The following SRP19 variants were observed in gnomAD, a reference collection of about 807,000 sequenced individuals.
SRP19 encodes signal recognition particle 19 kDa protein.
SRP19 carries 11 observed loss-of-function variants against 22.4 expected under a neutral mutation model. The observed-to-expected ratio is 0.49, with a 90% CI of 0.31 to 0.81. The LOEUF (loss-of-function observed/expected upper bound fraction) is 0.81, where lower values mean the gene tolerates loss of function less well. SRP19 is among the 40% of genes least tolerant of loss of function. SRP19 has a pLI of 0.05. For synonymous variants in SRP19, 61 were observed against 57.6 expected (o/e 1.06, Z -0.27); for missense variants, 168 against 175.9 (o/e 0.96, Z 0.25).
intron 4 of SRP19, among the ~76,000 whole-genome samples, chr5:112,889,381 A>G (rs1339311197): frequency 1.3e-5 from 2 of 150,838 alleles, no homozygotes; most frequent in African/African-American, 4.9e-5. Context: ...TCAGACAAAC[A>G]CCAACTCCCA....
exon 5 of SRP19, chr5:112,892,686 A>C: frequency 6.2e-7 from 1 of 1,614,108 alleles, no homozygotes; most frequent in Non-Finnish European, 8.5e-7. Flanking sequence ...AAGCTAATAG[A>C]GACATCTACT....
At chr5:112,871,243 ATTTTTTTT>A (rs10592964), downstream of SRP19, among the ~76,000 whole-genome samples, 808 of 93,982 alleles carry the variant, frequency 8.6e-3, 4 homozygotes, top group African/African-American at 0.037. Context: ...CAATCAGTGA[ATTTTTTTT>A]TTTTTTTTTT....
At chr5:112,879,339 G>C (rs1321409550) in intron 4 of SRP19, among the ~76,000 whole-genome samples, 1 of 81,272 alleles carries the variant, frequency 1.2e-5, no homozygotes, top group South Asian at 3.8e-4. Flanking sequence ...GGGGGGGGCT[G>C]GGGGGGCGGT....
chr5:112,897,294 T>C (rs1197389266), downstream of SRP19: 2 of 147,828 alleles, frequency 1.4e-5, no homozygotes, highest in African/African-American at 5.0e-5. Flanking sequence ...ATAGGAAGAC[T>C]ACTCTAAGAT....
exon 5 of SRP19, chr5:112,892,869 G>T: frequency 6.2e-7 from 1 of 1,613,236 alleles, no homozygotes; most frequent in Non-Finnish European, 8.5e-7. Flanking sequence ...ATAGGGGGAA[G>T]AAATCTCACA....
At position 112,875,922 on chromosome 5, in the gene SRP19, G is replaced by T. The variant is rs575517298; in HGVS notation, c.301+11190G>T. On this transcript the variant is annotated intron_variant, in intron 4 of 4. Coordinates refer to the SRP19 transcript ENST00000391338. ...AGTAGCCAGGCGTGGCGGCGGGTGC[G>T]TGTAGTCCCAGCTACTCGGGAGGCT... Among the ~76,000 whole-genome samples, 285 of 151,846 alleles carry T rather than the reference G, an allele frequency of 1.9e-3. 2 individuals carry two copies. Among genetic ancestry groups the T allele is most frequent in the Non-Finnish European group, 3.1e-3 (211 of 67,966 alleles).
In SRP19 at chr5:112,890,822, A is replaced by C. The variant is rs186556906; in HGVS notation, c.302-781A>C. ...GTTCTGCCATTTACTAGCTAAGCAA[A>C]CCTTATACAAGTTACTTAATCACTT... is the stretch of plus-strand genomic sequence containing the variant. On this transcript the variant is annotated intron_variant, in intron 4 of 4. Transcript: ENST00000391338. Among the ~76,000 whole-genome samples the C allele has an allele frequency of 2.0e-5, 3 of 150,736 alleles. 1 individual carries two copies. The highest frequency in any genetic ancestry group is 6.6e-5 in the Admixed American group (1 of 15,124).
intron 4 of SRP19, among the ~76,000 whole-genome samples, chr5:112,888,686 C>A (rs1768339166): frequency 6.6e-6 from 1 of 150,886 alleles, no homozygotes; most frequent in Non-Finnish European, 1.5e-5. Context: ...GAAATGTAAC[C>A]TTTGTGAATT....
chr5:112,877,602 G>GTGTT (rs1325419332), intron 4 of SRP19: 3 of 152,154 alleles, frequency 2.0e-5, no homozygotes, highest in Non-Finnish European at 2.9e-5. Flanking sequence ...GAAGCCTCTT[G>GTGTT]TGTTTGACCT....
chr5:112,880,382 G>C (rs1052550919), intron 4 of SRP19, among the ~76,000 whole-genome samples: 1 of 152,304 alleles, frequency 6.6e-6, no homozygotes, highest in Admixed American at 6.5e-5. Context: ...GGGTTGTCTA[G>C]AAGCCTCCAG....
chr5:112,880,807 G>A (rs1014580806), intron 4 of SRP19, among the ~76,000 whole-genome samples: 14 of 152,202 alleles, frequency 9.2e-5, no homozygotes, highest in Admixed American at 7.2e-4. Context: ...TAAGGGAAGG[G>A]AGAAGAAAAG....
At chr5:112,891,563 A>G in intron 4 of SRP19, 2 of 1,545,458 alleles carry the variant, frequency 1.3e-6, no homozygotes, top group African/African-American at 2.7e-5. Flanking sequence ...AATCACTGAC[A>G]GTGGCAGCTA....
intron 4 of SRP19, among the ~76,000 whole-genome samples, chr5:112,881,127 T>TTAAAAA (rs1768062397): frequency 4.6e-5 from 1 of 21,646 alleles, no homozygotes; most frequent in African/African-American, 8.4e-4. Flanking sequence ...AGACTCTGTT[T>TTAAAAA]CAAAAAAAAA....
At chr5:112,870,322 A>G (rs1233291462), downstream of SRP19, among the ~76,000 whole-genome samples, 2 of 151,956 alleles carry the variant, frequency 1.3e-5, no homozygotes, top group Non-Finnish European at 2.9e-5. Context: ...CTGTCTCTAC[A>G]AAAAAAAGAA....
At chr5:112,879,318 A>C in intron 4 of SRP19, among the ~76,000 whole-genome samples, 1 of 19,032 alleles carries the variant, frequency 5.3e-5, no homozygotes. Context: ...CCCTTGATAT[A>C]TGTGTTTGGG....
chr5:112,882,725 C>T (rs1255117739), intron 4 of SRP19, among the ~76,000 whole-genome samples: 1 of 152,176 alleles, frequency 6.6e-6, no homozygotes, highest in African/African-American at 2.4e-5. Flanking sequence ...GCAACAGAGA[C>T]ATGATAGCCC....
At position 112,867,568 on chromosome 5, in the gene SRP19, C is replaced by T; in HGVS notation, c.*31C>T. On this transcript the variant is annotated 3_prime_UTR_variant, in exon 5 of 5. Transcript: ENST00000505459. ...TATCAGCATCAAGTATGTGGTACTA[C>T]TGTAAGAGACATGAATGGAGACTTC... 6.4e-7 allele frequency: 1 copy of T among 1,558,548 alleles called. No homozygotes were observed. The highest frequency in any genetic ancestry group is 8.7e-7 in the Non-Finnish European group (1 of 1,152,514).
downstream of SRP19, among the ~76,000 whole-genome samples, chr5:112,873,683 G>A (rs939908542): frequency 2.0e-5 from 3 of 151,986 alleles, no homozygotes; most frequent in Non-Finnish European, 4.4e-5. Context: ...TCATCTGCAT[G>A]TTCCCTTTTT....
intron 4 of SRP19, among the ~76,000 whole-genome samples, chr5:112,888,582 C>G (rs1294740772): frequency 7.7e-6 from 1 of 130,414 alleles, no homozygotes; most frequent in Non-Finnish European, 1.6e-5. Flanking sequence ...AACCACCAGG[C>G]CTGGCTAATT....
Sources: gnomAD v4.1 joint callset for allele counts (sites outside exome capture counted in the v4.1 genomes callset) on GRCh38, gnomAD v4.1.1 for gene constraint, MANE v1.5 for transcripts, NCBI Gene and HGNC (gene_info 2026-07-23, HGNC 2026-07-21) for gene names.